Variants in WWOX observed in about 807,000 individuals in gnomAD.
WWOX encodes the protein WW domain containing oxidoreductase.
A neutral mutation model predicts 46.2 loss-of-function variants in WWOX; 69 were observed. That is an observed-to-expected ratio of 1.49 (90% CI 1.23 to 1.82). The LOEUF (loss-of-function observed/expected upper bound fraction) is 1.82. Ranked by LOEUF, WWOX falls within the 40% of genes most tolerant of loss-of-function variation. WWOX has a pLI of 0.00. For synonymous variants in WWOX, 359 were observed against 202.6 expected, an observed-to-expected ratio of 1.77 and a Z score of -6.56; for missense variants, 919 against 542.6, an observed-to-expected ratio of 1.69 and a Z score of -6.89.
chr16:78,643,562 G>A (rs577278956), intron 8 of WWOX, among the ~76,000 whole-genome samples: 1 of 152,276 alleles, frequency 6.6e-6, no homozygotes, highest in Non-Finnish European at 1.5e-5. Flanking sequence ...ACTCCCCAGA[G>A]CCTTCCAGCC....
chr16:78,686,832 T>A (rs762910033), intron 8 of WWOX, among the ~76,000 whole-genome samples: 3 of 152,180 alleles, frequency 2.0e-5, no homozygotes, highest in Non-Finnish European at 4.4e-5. Flanking sequence ...GGAGACAGGC[T>A]TCGTTTTCGA....
intron 8 of WWOX, among the ~76,000 whole-genome samples, chr16:78,507,855 C>G (rs2085252821): frequency 6.6e-6 from 1 of 152,160 alleles, no homozygotes; most frequent in South Asian, 2.1e-4. Context: ...TTGTCCAACC[C>G]ATGGCCCCCG....
Position 79,173,007 on chromosome 16 carries a change from C to T in WWOX, c.1057-38601C>T, listed in dbSNP as rs1030748969. ...CTGCACTCCAGGCTGTGTGACAGAG[C>T]AAGACCCCATCTCTAAATAAGTAAA... On this transcript the variant is annotated intron_variant, in intron 8 of 8. Coordinates refer to ENST00000566780, the MANE Select transcript of WWOX (RefSeq NM_016373.4). Among the ~76,000 whole-genome samples, 7 of 152,180 alleles carry T rather than the reference C, an allele frequency of 4.6e-5. No homozygotes were observed. In the East Asian group the frequency reaches 1.3e-3, roughly 29 times the overall value.
chr16:78,449,310 G>A lies in WWOX; in HGVS notation c.1056+16558G>A, dbSNP rs558125205. On this transcript the variant is annotated intron_variant, in intron 8 of 8. Transcript: ENST00000566780. Reference sequence around the variant, plus strand: ...TTTGTAATGTAACCACGGAAGTGACGTCTTACTGCTTTTGCCATATTCTTT... The same window carrying A: ...TTTGTAATGTAACCACGGAAGTGACATCTTACTGCTTTTGCCATATTCTTT... Among the ~76,000 whole-genome samples the A allele has an allele frequency of 1.1e-4, 16 of 152,282 alleles. No individual in the cohort carries two copies. The South Asian group carries it at 2.9e-3, about 28-fold the overall frequency.
At position 78,195,410 on chromosome 16, in the gene WWOX, G is replaced by A. The variant is rs556282916; in HGVS notation, c.516+31121G>A. ...TCCTACTGGTTAGTGGGTGATGATT[G>A]GATGGCTTCCGAATGAACTCAGGTG... is the stretch of plus-strand genomic sequence containing the variant. On this transcript the variant is annotated intron_variant, in intron 5 of 8. Coordinates refer to ENST00000566780, the MANE Select transcript of WWOX (RefSeq NM_016373.4). Among the ~76,000 whole-genome samples the A allele has an allele frequency of 5.1e-4, 77 of 152,248 alleles. 1 individual carries two copies. Among genetic ancestry groups the A allele is most frequent in the South Asian group, 8.3e-4 (4 of 4,832 alleles).
intron 8 of WWOX, among the ~76,000 whole-genome samples, chr16:78,682,478 A>G (rs1285899466): frequency 6.6e-6 from 1 of 152,026 alleles, no homozygotes; most frequent in African/African-American, 2.4e-5. Flanking sequence ...AGCTACACAG[A>G]AGGCTGAGGC....
chr16:78,791,100 A>G (rs2050586333), intron 8 of WWOX, among the ~76,000 whole-genome samples: 1 of 151,478 alleles, frequency 6.6e-6, no homozygotes, highest in South Asian at 2.1e-4. Flanking sequence ...AGGGCCCCTG[A>G]AGGAAGGGCA....
At chr16:78,963,957 G>A (rs966886939) in intron 8 of WWOX, among the ~76,000 whole-genome samples, 1 of 152,086 alleles carries the variant, frequency 6.6e-6, no homozygotes, top group Non-Finnish European at 1.5e-5. Flanking sequence ...TTTATCAGGG[G>A]TTTCTGCAGT....
intron 5 of WWOX, among the ~76,000 whole-genome samples, chr16:78,313,665 C>G (rs1235156284): frequency 6.6e-6 from 1 of 152,126 alleles, no homozygotes; most frequent in African/African-American, 2.4e-5. Context: ...TGCGTCAGGC[C>G]TATTGTTTTT....
At chr16:78,948,288 G>T (rs932159576) in intron 8 of WWOX, among the ~76,000 whole-genome samples, 1 of 152,114 alleles carries the variant, frequency 6.6e-6, no homozygotes, top group African/African-American at 2.4e-5. Flanking sequence ...CACTGTTTGG[G>T]ACCCCTGTTG....
At chr16:78,818,166 C>T (rs934891167) in intron 8 of WWOX, among the ~76,000 whole-genome samples, 1 of 152,206 alleles carries the variant, frequency 6.6e-6, no homozygotes, top group Non-Finnish European at 1.5e-5. Context: ...AGGATGTGCC[C>T]TTGCAGAAGG....
intron 8 of WWOX, among the ~76,000 whole-genome samples, chr16:79,103,154 G>A (rs565221603): frequency 7.9e-5 from 12 of 152,254 alleles, no homozygotes; most frequent in East Asian, 7.7e-4. Context: ...CTCTCAGCCC[G>A]TTTTCATCCC....
At chr16:78,710,789 A>T (rs562971600) in intron 8 of WWOX, among the ~76,000 whole-genome samples, 15 of 151,042 alleles carry the variant, frequency 9.9e-5, no homozygotes, top group Admixed American at 6.0e-4. Context: ...TAATTGTTTA[A>T]TTTTTTGTAG....
At chr16:79,086,072 C>CAAA (rs11379925) in intron 8 of WWOX, among the ~76,000 whole-genome samples, 1 of 149,806 alleles carries the variant, frequency 6.7e-6, no homozygotes, top group African/African-American at 2.5e-5. Context: ...ACCCCATCTC[C>CAAA]AAAAAAAAGA....
intron 8 of WWOX, among the ~76,000 whole-genome samples, chr16:78,887,082 GTGTGTGTGTGTGTGTGTGT>G (rs2044477335): frequency 1.6e-4 from 2 of 12,892 alleles, no homozygotes; most frequent in East Asian, 6.0e-3. Flanking sequence ...TGTGTGGTGT[GTGTGTGTGTGTGTGTGTGT>G]GTGTGTGTGT....
intron 8 of WWOX, among the ~76,000 whole-genome samples, chr16:78,909,370 T>C (rs17707630): frequency 0.14 from 20,824 of 152,222 alleles, 1,670 homozygotes; most frequent in South Asian, 0.24. Context: ...ATGTATTCTC[T>C]GTTCAGCTGT....
chr16:78,326,431 A>T (rs960795044), intron 5 of WWOX, among the ~76,000 whole-genome samples: 3 of 152,110 alleles, frequency 2.0e-5, no homozygotes, highest in Non-Finnish European at 2.9e-5. Context: ...GGGAGAAACA[A>T]GGGGTTGAAC....
At chr16:78,385,895 A>G (rs560022063) in intron 5 of WWOX, among the ~76,000 whole-genome samples, 8 of 152,064 alleles carry the variant, frequency 5.3e-5, no homozygotes, top group African/African-American at 1.9e-4. Flanking sequence ...TTAATCTCGC[A>G]CTCCGAAGCG....
At chr16:78,635,871 G>T (rs959142477) in intron 8 of WWOX, among the ~76,000 whole-genome samples, 1 of 152,100 alleles carries the variant, frequency 6.6e-6, no homozygotes, top group Non-Finnish European at 1.5e-5. Flanking sequence ...CATTGGAGGG[G>T]AAAAAGATGC....
Sources: allele counts gnomAD v4.1 joint callset (sites outside exome capture counted in the v4.1 genomes callset), GRCh38; gene constraint gnomAD v4.1.1; transcripts MANE v1.5; gene names NCBI Gene and HGNC (gene_info 2026-07-23, HGNC 2026-07-21).